SLC9A8: variants seen among roughly 807,000 people sequenced by gnomAD.
The protein encoded by SLC9A8 is sodium/hydrogen exchanger 8.
In SLC9A8, 48 loss-of-function variants were observed where a neutral mutation model predicts 66.6. The observed-to-expected ratio is 0.72, with a 90% confidence interval of 0.57 to 0.92. SLC9A8 has a LOEUF of 0.92. Ranked by LOEUF, SLC9A8 falls within the 40% of genes least tolerant of loss-of-function variation. The pLI, the probability that SLC9A8 is intolerant of heterozygous loss-of-function variation, is 0.00. For synonymous variants in SLC9A8, 274 were observed against 282.6 expected, an observed-to-expected ratio of 0.97 and a Z score of 0.31; for missense variants, 599 against 747.3, an observed-to-expected ratio of 0.80 and a Z score of 2.31.
chr20:49,829,522 CAA>C (rs796458184), intron 3 of SLC9A8: 407 of 230,690 alleles, frequency 1.8e-3, no homozygotes, highest in South Asian at 3.6e-3. Flanking sequence ...GACTCCATCT[CAA>C]AAAAAAAAAA....
At chr20:49,848,897 C>T (rs887158560) in intron 5 of SLC9A8, among the ~76,000 whole-genome samples, 1 of 152,090 alleles carries the variant, frequency 6.6e-6, no homozygotes, top group East Asian at 1.9e-4. Context: ...TGTCAGGGAC[C>T]GTGTTGTGCG....
In SLC9A8 at chr20:49,880,980, T is replaced by C; in HGVS notation, c.1215T>C (p.Asn405=). Residue 405 remains asparagine (N), a synonymous_variant, in exon 13 of 16, where the codon AAT becomes AAC. Transcript: ENST00000361573. ...TTTTCCCTCTTTCCTACCTCCTGAA[T>C]TTCTTCCGGGATCATAAAATCACAC... ...VNIFPLSYLL[N]FFRDHKITPK... 1 of 1,614,068 alleles carries C rather than the reference T, an allele frequency of 6.2e-7. No homozygotes were observed. Among genetic ancestry groups the C allele is most frequent in the South Asian group, 1.1e-5 (1 of 91,074 alleles).
chr20:49,835,605 G>C (rs2087498903), intron 3 of SLC9A8, among the ~76,000 whole-genome samples: 1 of 149,604 alleles, frequency 6.7e-6, no homozygotes, highest in African/African-American at 2.5e-5. Flanking sequence ...TAAAGAAATA[G>C]AATCATACAA....
rs1202794594 is a variant in SLC9A8, at chr20:49,891,647, G to C, written c.*3711G>C. On this transcript the variant is annotated 3_prime_UTR_variant, in exon 16 of 16. Transcript: ENST00000361573. ...CTCTGCGGGGGCTTCACTGGCTTCGGAGTGAGCGCGAAGTGCTGGTGAGCA... is the reference window on the plus strand; with the variant it reads ...CTCTGCGGGGGCTTCACTGGCTTCGCAGTGAGCGCGAAGTGCTGGTGAGCA... 6.6e-6 allele frequency: 1 copy of C among 152,336 alleles called. No individual in the cohort carries two copies. Among genetic ancestry groups the C allele is most frequent in the African/African-American group, 2.4e-5 (1 of 41,464 alleles). The allele number at this position is 152,336 out of a possible 1,614,324, so 9.4% of individuals were successfully genotyped here. A position where few individuals can be genotyped will look rare whatever the true frequency, so the allele number is the denominator to read the frequency against.
chr20:49,828,554 A>G (rs1249497494), intron 3 of SLC9A8, among the ~76,000 whole-genome samples: 4 of 148,836 alleles, frequency 2.7e-5, no homozygotes, highest in Admixed American at 6.7e-5. Context: ...AAAAAAAAAA[A>G]GGGCCTGGCA....
rs531168722 is a variant in SLC9A8, at chr20:49,812,900, G to A, written c.-23G>A. On this transcript the variant is annotated 5_prime_UTR_variant, in exon 1 of 16. Coordinates refer to ENST00000361573, the MANE Select transcript of SLC9A8 (RefSeq NM_015266.3). Reference sequence around the variant, plus strand: ...CTGCTAGCCCCGCGGCTCCGAACTCGGTGGTCCTGGAAGCTCCGCAGGATG... The same window carrying A: ...CTGCTAGCCCCGCGGCTCCGAACTCAGTGGTCCTGGAAGCTCCGCAGGATG... The A allele has an allele frequency of 1.6e-5, 24 of 1,497,154 alleles. No individual in the cohort carries two copies. The South Asian group carries it at 2.7e-4, about 17-fold the overall frequency. 92.7% of individuals were successfully genotyped at this position (1,497,154 alleles called of 1,614,324 possible).
chr20:49,882,080 ACCGGC>A (rs2089645687), intron 13 of SLC9A8, among the ~76,000 whole-genome samples: 1 of 152,104 alleles, frequency 6.6e-6, no homozygotes, highest in Non-Finnish European at 1.5e-5. Context: ...AGCCTCTGCT[ACCGGC>A]CCCTCCCATC....
chr20:49,878,578 A>G lies in SLC9A8; in HGVS notation c.1158+515A>G, dbSNP rs142012862. Reference sequence around the variant, plus strand: ...CAAATTTGTCTATTTATATTTGTCTATTTGTCTGTTTATAAGATATTGTTC... The same window carrying G: ...CAAATTTGTCTATTTATATTTGTCTGTTTGTCTGTTTATAAGATATTGTTC... On this transcript the variant is annotated intron_variant, in intron 12 of 15. Coordinates refer to ENST00000361573, the MANE Select transcript of SLC9A8 (RefSeq NM_015266.3). 2.1e-4 allele frequency among the ~76,000 whole-genome samples: 32 copies of G among 152,102 alleles called. No individual in the cohort carries two copies. In the East Asian group the frequency reaches 3.7e-3, roughly 17 times the overall value.
In SLC9A8 at chr20:49,881,494, A is replaced by G. The variant is rs371916665; in HGVS notation, c.1270+459A>G. On this transcript the variant is annotated intron_variant, in intron 13 of 15. Transcript: ENST00000361573. ...GTTTAATTTGAATGTTTCAGTTGCT[A>G]TTTAATCACTTTTTAAAGGACGGAA... Among the ~76,000 whole-genome samples, 5 of 152,354 alleles carry G rather than the reference A, an allele frequency of 3.3e-5. No homozygotes were observed. In the South Asian group the frequency reaches 1.0e-3, roughly 32 times the overall value.
At chr20:49,844,623 A>G (rs2087904173) in intron 4 of SLC9A8, among the ~76,000 whole-genome samples, 1 of 44,792 alleles carries the variant, frequency 2.2e-5, no homozygotes, top group Non-Finnish European at 4.6e-5. Flanking sequence ...GTATCTTAAA[A>G]AAAAAAAAAA....
At chr20:49,876,793 A>G (rs1404457542) in intron 11 of SLC9A8, among the ~76,000 whole-genome samples, 2 of 152,294 alleles carry the variant, frequency 1.3e-5, no homozygotes, top group African/African-American at 2.4e-5. Flanking sequence ...TGCCAGGGAA[A>G]AGCATCCACT....
At chr20:49,821,838 C>G (rs1004495100) in intron 2 of SLC9A8, among the ~76,000 whole-genome samples, 1 of 152,056 alleles carries the variant, frequency 6.6e-6, no homozygotes, top group African/African-American at 2.4e-5. Context: ...TTCTTATTTT[C>G]TTTCATAACA....
At chr20:49,856,068 C>T (rs1250088733) in intron 8 of SLC9A8, among the ~76,000 whole-genome samples, 1 of 152,192 alleles carries the variant, frequency 6.6e-6, no homozygotes, top group Non-Finnish European at 1.5e-5. Flanking sequence ...GCTGGGATTA[C>T]AGGTGTAAGC....
intron 10 of SLC9A8, among the ~76,000 whole-genome samples, chr20:49,867,704 G>A (rs2281223): frequency 0.42 from 64,265 of 151,944 alleles, 14,333 homozygotes; most frequent in African/African-American, 0.55. Flanking sequence ...TCTCCCTTCC[G>A]GCAGGAATCA....
In SLC9A8 at chr20:49,887,927, G is replaced by C. The variant is rs761937347; in HGVS notation, c.1737G>C (p.Glu579Asp). 8 of 1,613,236 alleles carry C rather than the reference G, an allele frequency of 5.0e-6. No individual in the cohort carries two copies. The highest frequency in any genetic ancestry group is 1.3e-5 in the African/African-American group (1 of 74,944). Reference protein sequence around the residue: ...GPSGSEDDEQELL With the variant: ...GPSGSEDDEQDLL The stretch of plus-strand genomic sequence containing the variant: ...CCGGCTCCGAGGACGACGAGCAGGA[G>C]CTGCTCTGACGCCAGGTGCCAAGGC... The change falls in exon 16 of 16, where the codon GAG becomes GAC. Residue 579 changes from glutamate to aspartate, a missense_variant. Transcript: ENST00000361573.
intron 10 of SLC9A8, among the ~76,000 whole-genome samples, chr20:49,866,564 A>G (rs531073576): frequency 6.6e-6 from 1 of 152,334 alleles, no homozygotes; most frequent in South Asian, 2.1e-4. Context: ...ATAGGTGTGT[A>G]GCAACTGCAT....
chr20:49,880,324 C>T (rs1247485776), intron 12 of SLC9A8, among the ~76,000 whole-genome samples: 1 of 151,620 alleles, frequency 6.6e-6, no homozygotes, highest in Non-Finnish European at 1.5e-5. Context: ...GACTAACATG[C>T]CTTTGGAGAT....
rs1162508207 is a variant in SLC9A8 at position 49,888,264 on chromosome 20, A to ACCCCTGCGGC, written c.*336_*345dup. On this transcript the variant is annotated 3_prime_UTR_variant, in exon 16 of 16. Coordinates refer to ENST00000361573, the MANE Select transcript of SLC9A8 (RefSeq NM_015266.3). ...GGGCGCCTACCCCCCCACCCGGAGG[A>ACCCCTGCGGC]CCCCTGCGGCCCCCTGCCTAGAGGA... The ACCCCTGCGGC allele has an allele frequency of 1.2e-3, 362 of 300,226 alleles. No homozygotes were observed. The highest frequency in any genetic ancestry group is 2.0e-3 in the Non-Finnish European group (311 of 154,472). The allele number at this position is 300,226 out of a possible 1,614,324, so 18.6% of individuals were successfully genotyped here.
chr20:49,813,734 A>C (rs2086446116), intron 1 of SLC9A8, among the ~76,000 whole-genome samples: 1 of 152,240 alleles, frequency 6.6e-6, no homozygotes, highest in South Asian at 2.1e-4. Context: ...AGTGACATTC[A>C]GCAGAAACTT....
Sources: gnomAD v4.1 joint callset for allele counts (sites outside exome capture counted in the v4.1 genomes callset) on GRCh38, gnomAD v4.1.1 for gene constraint, MANE v1.5 for transcripts, NCBI Gene and HGNC (gene_info 2026-07-23, HGNC 2026-07-21) for gene names.